Variants in SAMD4A observed in about 807,000 individuals in gnomAD.
SAMD4A encodes the protein sterile alpha motif domain containing 4A.
In SAMD4A, 33 loss-of-function variants were observed where a neutral mutation model predicts 81.3. The ratio of observed to expected loss-of-function variants is 0.41; its 90% CI spans 0.31 to 0.54. SAMD4A has a LOEUF of 0.54. Ranked by LOEUF, SAMD4A falls within the 20% of genes least tolerant of loss-of-function variation. SAMD4A has a pLI of 0.37. For missense variants in SAMD4A, 854 were observed against 951.1 expected, an observed-to-expected ratio of 0.90 and a Z score of 1.34; for synonymous variants, 389 against 382.1, an observed-to-expected ratio of 1.02 and a Z score of -0.21.
At chr14:54,702,981 C>A (rs2036758375) in intron 3 of SAMD4A, 1 of 172,174 alleles carries the variant, frequency 5.8e-6, no homozygotes, top group Non-Finnish European at 1.2e-5. Context: ...AACCAGGCAG[C>A]CTCATGGGCT....
chr14:54,660,383 C>A (rs113122417), intron 2 of SAMD4A, among the ~76,000 whole-genome samples: 287 of 152,368 alleles, frequency 1.9e-3, no homozygotes, highest in African/African-American at 6.7e-3. Flanking sequence ...CAACCATCCG[C>A]TTCTCTGGAG....
At chr14:54,694,706 C>A (rs1010191282) in intron 2 of SAMD4A, 1 of 985,310 alleles carries the variant, frequency 1.0e-6, no homozygotes, top group Non-Finnish European at 1.2e-6. Flanking sequence ...AGCCTCAGAC[C>A]TCCTGACTGG....
At chr14:54,659,183 C>A (rs2035586178) in intron 2 of SAMD4A, among the ~76,000 whole-genome samples, 1 of 152,156 alleles carries the variant, frequency 6.6e-6, no homozygotes, top group Non-Finnish European at 1.5e-5. Flanking sequence ...TTTTTTTATG[C>A]CCAGACACAG....
At chr14:54,716,658 A>G (rs1483833416) in intron 3 of SAMD4A, among the ~76,000 whole-genome samples, 1 of 152,196 alleles carries the variant, frequency 6.6e-6, no homozygotes, top group East Asian at 1.9e-4. Context: ...GAGGGTCTCT[A>G]ACAAAGTGAA....
At chr14:54,651,441 T>C (rs572497483) in intron 2 of SAMD4A, among the ~76,000 whole-genome samples, 9 of 152,268 alleles carry the variant, frequency 5.9e-5, no homozygotes, top group African/African-American at 2.2e-4. Context: ...CTCTTCTCTT[T>C]TGTTTGACAA....
chr14:54,700,201 C>A (rs1043943551), intron 2 of SAMD4A, among the ~76,000 whole-genome samples: 18 of 152,136 alleles, frequency 1.2e-4, no homozygotes, highest in African/African-American at 4.3e-4. Context: ...ACTTGACCAG[C>A]CCTTTTGCTA....
intron 10 of SAMD4A, 75 bp downstream of exon 10, chr14:54,775,210 C>T (rs2038811816): frequency 1.3e-6 from 2 of 1,568,446 alleles, no homozygotes; most frequent in Non-Finnish European, 1.8e-6. Context: ...CCCAGGTGAC[C>T]CCAGGGTGGG....
At chr14:54,585,569 G>A (rs908467876) in intron 2 of SAMD4A, among the ~76,000 whole-genome samples, 3 of 152,050 alleles carry the variant, frequency 2.0e-5, no homozygotes, top group African/African-American at 7.2e-5. Context: ...TTCACCCAGT[G>A]AGTACTCTTT....
chr14:54,628,489 T>G (rs1310844290), intron 2 of SAMD4A, among the ~76,000 whole-genome samples: 1 of 152,130 alleles, frequency 6.6e-6, no homozygotes, highest in East Asian at 1.9e-4. Context: ...CATGAGACTA[T>G]TGGGGAAGCA....
chr14:54,632,146 G>A lies in SAMD4A; in HGVS notation c.196+64034G>A, dbSNP rs548417890. Among the ~76,000 whole-genome samples, 559 of 152,184 alleles carry A rather than the reference G, an allele frequency of 3.7e-3. 1 individual carries two copies. The highest frequency in any genetic ancestry group is 5.1e-3 in the Non-Finnish European group (346 of 68,002). ...AGCCCCACTACAAAGAAAAACCAAA[G>A]CATTTTAGAGGATGACTATAGTAGA... On this transcript the variant is annotated intron_variant, in intron 2 of 12. Transcript: ENST00000554335.
At chr14:54,697,021 C>T (rs1485044759) in intron 2 of SAMD4A, 1 of 152,202 alleles carries the variant, frequency 6.6e-6, no homozygotes, top group Non-Finnish European at 1.5e-5. Flanking sequence ...AGGATTCCTG[C>T]ATCTTCCCCA....
chr14:54,788,901 T>G lies in SAMD4A; in HGVS notation c.2129-15T>G. The stretch of plus-strand genomic sequence containing the variant: ...TTGCTCACCTGTGCCCATCGTTTGC[T>G]GCTTTCTCTCCCAGACGGGGTTGAC... On this transcript the variant is annotated splice_polypyrimidine_tract_variant and intron_variant, in intron 12 of 12. Coordinates refer to ENST00000554335, the MANE Select transcript of SAMD4A (RefSeq NM_015589.6). The G allele has an allele frequency of 6.2e-7, 1 of 1,614,246 alleles. No homozygotes were observed. Among genetic ancestry groups the G allele is most frequent in the South Asian group, 1.1e-5 (1 of 91,082 alleles).
chr14:54,637,975 G>T (rs1008173261), intron 2 of SAMD4A, among the ~76,000 whole-genome samples: 1 of 152,162 alleles, frequency 6.6e-6, no homozygotes, highest in Non-Finnish European at 1.5e-5. Context: ...ATATCAGGAA[G>T]GTCTCCAGCA....
At chr14:54,717,740 G>T (rs2037154682) in intron 3 of SAMD4A, among the ~76,000 whole-genome samples, 1 of 152,146 alleles carries the variant, frequency 6.6e-6, no homozygotes, top group East Asian at 1.9e-4. Context: ...CGTGATTGAG[G>T]CTAGGCAGTC....
At chr14:54,641,466 T>C (rs567840595) in intron 2 of SAMD4A, among the ~76,000 whole-genome samples, 11 of 152,350 alleles carry the variant, frequency 7.2e-5, no homozygotes, top group African/African-American at 2.6e-4. Context: ...AAGAATAGTC[T>C]CTTTGTCTCT....
At chr14:54,745,683 A>G (rs1446090200) in intron 4 of SAMD4A, among the ~76,000 whole-genome samples, 1 of 152,228 alleles carries the variant, frequency 6.6e-6, no homozygotes, top group African/African-American at 2.4e-5. Flanking sequence ...CACACTTGGC[A>G]AAGAAGTCAG....
intron 2 of SAMD4A, among the ~76,000 whole-genome samples, chr14:54,638,460 A>C (rs1248337629): frequency 1.3e-5 from 2 of 152,212 alleles, no homozygotes; most frequent in Non-Finnish European, 2.9e-5. Context: ...GATATAGTAA[A>C]CTTTTAGCAT....
chr14:54,777,094 TACTTGAACC>T (rs2038873097), intron 11 of SAMD4A, among the ~76,000 whole-genome samples: 1 of 152,210 alleles, frequency 6.6e-6, no homozygotes, highest in South Asian at 2.1e-4. Flanking sequence ...AGCTAATGAA[TACTTGAACC>T]CTTTCTCTAT....
chr14:54,687,277 A>G (rs2036298143), intron 2 of SAMD4A: 3 of 450,096 alleles, frequency 6.7e-6, no homozygotes, highest in Non-Finnish European at 1.3e-5. Flanking sequence ...ATGGGCAGTT[A>G]TGAACCAAGT....
Sources: allele counts gnomAD v4.1 joint callset (sites outside exome capture counted in the v4.1 genomes callset), GRCh38; gene constraint gnomAD v4.1.1; transcripts MANE v1.5; gene names NCBI Gene and HGNC (gene_info 2026-07-23, HGNC 2026-07-21).